The following CACNA1D variants were observed in gnomAD, a reference collection of about 807,000 sequenced individuals.
CACNA1D encodes voltage-dependent L-type calcium channel subunit alpha-1D.
A neutral mutation model predicts 257.1 loss-of-function variants in CACNA1D; 55 were observed. The ratio of observed to expected loss-of-function variants is 0.21; its 90% CI spans 0.17 to 0.27. The LOEUF is 0.27. CACNA1D is among the 10% of genes least tolerant of loss of function. The pLI, the probability that CACNA1D is intolerant of heterozygous loss-of-function variation, is 1.00. For synonymous variants in CACNA1D, 980 were observed against 1,014.9 expected (o/e 0.97, Z 0.65); for missense variants, 1,876 against 2,784.0 (o/e 0.67, Z 7.34).
intron 37 of CACNA1D, among the ~76,000 whole-genome samples, chr3:53,777,413 G>A (rs1292045652): frequency 1.3e-5 from 2 of 152,344 alleles, no homozygotes; most frequent in Middle Eastern, 3.4e-3. Context: ...TGAATTTCAG[G>A]TTCCCATGTT....
Position 53,714,038 on chromosome 3 carries a change from G to A in CACNA1D, c.1391-4263G>A, listed in dbSNP as rs980288902. 2.0e-5 allele frequency among the ~76,000 whole-genome samples: 3 copies of A among 152,182 alleles called. No individual in the cohort carries two copies. In the South Asian group the frequency reaches 6.2e-4, roughly 32 times the overall value. ...TTTCAGCAGGCAAATTGCAGTGCCA[G>A]CATCCTCTCACAGGTCACAGGCTTT... On this transcript the variant is annotated intron_variant, in intron 9 of 47. Transcript: ENST00000350061.
chr3:53,578,390 C>T (rs1035554391), intron 3 of CACNA1D, among the ~76,000 whole-genome samples: 1 of 152,134 alleles, frequency 6.6e-6, no homozygotes, highest in Non-Finnish European at 1.5e-5. Context: ...CTGACAGCTT[C>T]ATTCTTGATG....
At chr3:53,680,857 G>A (rs927727456) in intron 8 of CACNA1D, among the ~76,000 whole-genome samples, 8 of 152,240 alleles carry the variant, frequency 5.3e-5, no homozygotes, top group East Asian at 1.9e-4. Flanking sequence ...TTACAGGATG[G>A]TAAAATTGCT....
intron 3 of CACNA1D, among the ~76,000 whole-genome samples, chr3:53,521,887 AGAGGCT>A (rs1382352485): frequency 6.6e-6 from 1 of 151,452 alleles, no homozygotes; most frequent in Non-Finnish European, 1.5e-5. Flanking sequence ...CAGTATTTTG[AGAGGCT>A]GAGGCAGGAT....
At position 53,534,890 on chromosome 3, in the gene CACNA1D, C is replaced by T. The variant is rs3774437; in HGVS notation, c.483+33170C>T. ...CACTCACGCCAGCTCCCCCACGGAA[C>T]GTTTCTTATGCACCTCATCAGTTCT... On this transcript the variant is annotated intron_variant, in intron 3 of 47. Coordinates refer to ENST00000350061, the MANE Select transcript of CACNA1D (RefSeq NM_001128840.3). Among the ~76,000 whole-genome samples, 886 of 152,298 alleles carry T rather than the reference C, an allele frequency of 5.8e-3. 69 individuals are homozygous for T. The East Asian group carries it at 0.15, about 26-fold the overall frequency.
chr3:53,594,329 T>A (rs1435101875), intron 3 of CACNA1D, among the ~76,000 whole-genome samples: 1 of 152,218 alleles, frequency 6.6e-6, no homozygotes, highest in East Asian at 1.9e-4. Flanking sequence ...TTGGGATTAC[T>A]GAGACTAGAG....
chr3:53,705,530 G>A (rs1314599434), intron 9 of CACNA1D, among the ~76,000 whole-genome samples: 1 of 152,264 alleles, frequency 6.6e-6, no homozygotes, highest in Middle Eastern at 3.4e-3. Flanking sequence ...CTAGCTTAAC[G>A]TTTGATCCAG....
intron 4 of CACNA1D, among the ~76,000 whole-genome samples, 184 bp from the exon 5 acceptor site, chr3:53,659,949 A>G (rs773395734): frequency 1.3e-5 from 2 of 152,160 alleles, no homozygotes; most frequent in South Asian, 4.1e-4. Context: ...CCCTGTCCCA[A>G]TCATTTTGGA....
At chr3:53,625,876 C>T (rs1559935356) in intron 3 of CACNA1D, among the ~76,000 whole-genome samples, 1 of 152,136 alleles carries the variant, frequency 6.6e-6, no homozygotes. Context: ...GTATTCAATG[C>T]AGAAAGGACC....
chr3:53,520,935 TTCTC>T (rs1461677431), intron 3 of CACNA1D, among the ~76,000 whole-genome samples: 8 of 151,134 alleles, frequency 5.3e-5, no homozygotes, highest in Non-Finnish European at 7.4e-5. Flanking sequence ...TTTTCTTTCT[TTCTC>T]CTTTCCTTTC....
chr3:53,658,112 C>T (rs1331032401), intron 4 of CACNA1D, among the ~76,000 whole-genome samples: 2 of 152,086 alleles, frequency 1.3e-5, no homozygotes, highest in Non-Finnish European at 2.9e-5. Flanking sequence ...TTTTCTCCCA[C>T]CTTGGGGTAA....
In CACNA1D at chr3:53,793,786, G is replaced by T. The variant is rs2106678595; in HGVS notation, c.4924-6463G>T. ...AAGAAGGCTTCCTGAAACTTGATTTGCAGTCAAACTGCAGAGACACCGCTG... is the reference window on the plus strand; with the variant it reads ...AAGAAGGCTTCCTGAAACTTGATTTTCAGTCAAACTGCAGAGACACCGCTG... On this transcript the variant is annotated intron_variant, in intron 40 of 47. Transcript: ENST00000350061. The surrounding 1 kb of genome is among the most constrained non-coding windows in gnomAD (Gnocchi z 4.1). Among the ~76,000 whole-genome samples, 1 of 152,342 alleles carries T rather than the reference G, an allele frequency of 6.6e-6. No individual in the cohort carries two copies. Among genetic ancestry groups the T allele is most frequent in the Middle Eastern group, 3.4e-3 (1 of 294 alleles).
intron 3 of CACNA1D, among the ~76,000 whole-genome samples, chr3:53,562,591 A>G (rs186610118): frequency 1.8e-3 from 268 of 152,322 alleles, no homozygotes; most frequent in Non-Finnish European, 3.4e-3. Flanking sequence ...GATTTTTAGT[A>G]AATTTAAAAA....
At chr3:53,728,707 A>G (rs1283896206) in intron 15 of CACNA1D, among the ~76,000 whole-genome samples, 1 of 152,198 alleles carries the variant, frequency 6.6e-6, no homozygotes, top group Non-Finnish European at 1.5e-5. Context: ...TTTATAGCAC[A>G]TGCCACTGTA....
intron 20 of CACNA1D, among the ~76,000 whole-genome samples, chr3:53,739,215 C>T (rs546283785): frequency 1.3e-5 from 2 of 152,356 alleles, no homozygotes; most frequent in East Asian, 3.8e-4. Context: ...TGACTAGCTG[C>T]GTGGCCTATG....
Position 53,723,304 on chromosome 3 carries a change from G to T in CACNA1D, c.1667-130G>T. The T allele has an allele frequency of 1.3e-6, 1 of 747,904 alleles. No individual in the cohort carries two copies. Among genetic ancestry groups the T allele is most frequent in the Non-Finnish European group, 2.4e-6 (1 of 413,884 alleles). 46.3% of individuals were successfully genotyped at this position (747,904 alleles called of 1,614,324 possible). On this transcript the variant is annotated intron_variant, in intron 12 of 47. Transcript: ENST00000350061. This position sits in a 1 kb window ranked among gnomAD's most constrained non-coding sequence, Gnocchi z 5.6. ...AGGCCACGTTTCTGTCCTGAGTGAG[G>T]TAGTGAAGAGAGAGACAAGGTATTG...
chr3:53,713,543 T>TGTGTGAGAGA (rs377132134), intron 9 of CACNA1D, among the ~76,000 whole-genome samples: 142 of 120,996 alleles, frequency 1.2e-3, no homozygotes, highest in African/African-American at 3.9e-3. Context: ...TGTGTGTGTG[T>TGTGTGAGAGA]GAGAGATTTG....
intron 3 of CACNA1D, among the ~76,000 whole-genome samples, chr3:53,603,073 C>T (rs1166219616): frequency 6.6e-6 from 1 of 152,194 alleles, no homozygotes; most frequent in African/African-American, 2.4e-5. Context: ...CCGTGAAGGC[C>T]AGGAGGGCTG....
In CACNA1D at chr3:53,808,787, G is replaced by A. The variant is rs1263266022; in HGVS notation, c.5871+17G>A. Reference sequence around the variant, plus strand: ...CAGCAACAGGTGAGCGGCCCACCTGGCCTTGCCCCCACACCTAGGGGCACC... The same window carrying A: ...CAGCAACAGGTGAGCGGCCCACCTGACCTTGCCCCCACACCTAGGGGCACC... On this transcript the variant is annotated intron_variant, in intron 46 of 47. Transcript: ENST00000350061. 10 of 1,603,950 alleles carry A rather than the reference G, an allele frequency of 6.2e-6. No homozygotes were observed. The highest frequency in any genetic ancestry group is 8.5e-6 in the Non-Finnish European group (10 of 1,179,860).
Sources: gnomAD v4.1 joint callset for allele counts (sites outside exome capture counted in the v4.1 genomes callset) on GRCh38, gnomAD v4.1.1 for gene constraint, Gnocchi (gnomAD v3.1) non-coding constraint, MANE v1.5 for transcripts, NCBI Gene and HGNC (gene_info 2026-07-23, HGNC 2026-07-21) for gene names.